Variants in TXNL4A observed in about 807,000 individuals in gnomAD.
TXNL4A encodes thioredoxin-like protein 4A.
A neutral mutation model predicts 14.6 loss-of-function variants in TXNL4A; 17 were observed. The ratio of observed to expected loss-of-function variants is 1.16; its 90% CI spans 0.80 to 1.74. The LOEUF (loss-of-function observed/expected upper bound fraction) is 1.74, where lower values mean the gene tolerates loss of function less well. Ranked by LOEUF, TXNL4A falls within the 40% of genes most tolerant of loss-of-function variation. The pLI, the probability that TXNL4A is intolerant of heterozygous loss-of-function variation, is 0.00. For synonymous variants in TXNL4A, 83 were observed against 70.6 expected, an observed-to-expected ratio of 1.18 and a Z score of -0.88; for missense variants, 74 against 195.2, an observed-to-expected ratio of 0.38 and a Z score of 3.70.
chr18:80,004,086 C>T (rs1410687974), intron 1 of TXNL4A, among the ~76,000 whole-genome samples: 1 of 151,600 alleles, frequency 6.6e-6, no homozygotes, highest in Non-Finnish European at 1.5e-5. Context: ...TTCTTATCCT[C>T]CCATATTTCT....
intron 1 of TXNL4A, among the ~76,000 whole-genome samples, chr18:79,983,219 T>G (rs1256796555): frequency 6.6e-6 from 1 of 152,226 alleles, no homozygotes; most frequent in African/African-American, 2.4e-5. Context: ...CAAGCTGGTC[T>G]CGAACTCTTG....
intron 1 of TXNL4A, among the ~76,000 whole-genome samples, chr18:80,020,002 C>G (rs545803147): frequency 1.3e-5 from 2 of 152,268 alleles, no homozygotes; most frequent in East Asian, 3.9e-4. Flanking sequence ...GTAACTCCCA[C>G]AATTCCCTTG....
intron 1 of TXNL4A, among the ~76,000 whole-genome samples, chr18:79,981,171 C>A (rs1407960687): frequency 6.6e-6 from 1 of 152,278 alleles, no homozygotes; most frequent in East Asian, 1.9e-4. Flanking sequence ...GGGACAGATA[C>A]AATAAATACC....
At position 79,977,715 on chromosome 18, in the gene TXNL4A, A is replaced by T. The variant is rs183180579; in HGVS notation, c.154-14T>A. On this transcript the variant is annotated splice_polypyrimidine_tract_variant and intron_variant, in intron 1 of 2. Transcript: ENST00000269601. ...AAAATTTTTAACCTAAAAGGAGATT[A>T]AAAAAAAAAACTGAAATAACAGAAC... is the stretch of plus-strand genomic sequence containing the variant. 4.1e-4 allele frequency: 441 copies of T among 1,073,120 alleles called. 3 individuals are homozygous for T. In the African/African-American group the frequency reaches 5.5e-3, roughly 13 times the overall value. 66.5% of individuals were successfully genotyped at this position (1,073,120 alleles called of 1,614,324 possible). A position where few individuals can be genotyped will look rare whatever the true frequency, so the allele number is the denominator to read the frequency against.
intron 1 of TXNL4A, among the ~76,000 whole-genome samples, chr18:79,980,150 A>G (rs1260379687): frequency 6.6e-6 from 1 of 152,190 alleles, no homozygotes; most frequent in Non-Finnish European, 1.5e-5. Flanking sequence ...AGGCGTCTAC[A>G]AGCCTAGGAG....
Position 79,972,832 on chromosome 18 carries a change from T to C in TXNL4A, c.*853A>G, listed in dbSNP as rs757803729. On this transcript the variant is annotated 3_prime_UTR_variant, in exon 3 of 3. Coordinates refer to ENST00000269601, the MANE Select transcript of TXNL4A (RefSeq NM_006701.5). The stretch of plus-strand genomic sequence containing the variant: ...CTACAGAAAATATGTTTACATCAAA[T>C]ACAATCTTGGGAAGAATAAAAAATA... The C allele has an allele frequency of 1.3e-5, 2 of 152,184 alleles. No individual in the cohort carries two copies. Among genetic ancestry groups the C allele is most frequent in the African/African-American group, 2.4e-5 (1 of 41,442 alleles). 9.4% of individuals were successfully genotyped at this position (152,184 alleles called of 1,614,324 possible). A position where few individuals can be genotyped will look rare whatever the true frequency, so the allele number is the denominator to read the frequency against.
At chr18:79,981,537 C>G (rs1050136597) in intron 1 of TXNL4A, among the ~76,000 whole-genome samples, 1 of 151,772 alleles carries the variant, frequency 6.6e-6, no homozygotes, top group African/African-American at 2.4e-5. Flanking sequence ...CTGGGTGTGG[C>G]GGTGCACGCC....
At chr18:79,989,355 C>A (rs1025023892), upstream of TXNL4A, among the ~76,000 whole-genome samples, 5 of 151,870 alleles carry the variant, frequency 3.3e-5, no homozygotes, top group Admixed American at 3.3e-4. Flanking sequence ...AGTGATCTGC[C>A]CGCCTCGGCC....
intron 1 of TXNL4A, among the ~76,000 whole-genome samples, chr18:79,981,367 G>C (rs1377496166): frequency 6.6e-6 from 1 of 152,168 alleles, no homozygotes. Flanking sequence ...ATAATTTGTA[G>C]GCATTTAATA....
At chr18:79,998,745 G>A (rs2051679036) in intron 1 of TXNL4A, among the ~76,000 whole-genome samples, 1 of 149,320 alleles carries the variant, frequency 6.7e-6, no homozygotes, top group Non-Finnish European at 1.5e-5. Flanking sequence ...ACGTGTGTCT[G>A]TCAACCGGTC....
upstream of TXNL4A, among the ~76,000 whole-genome samples, chr18:79,989,001 A>C (rs1011829595): frequency 3.3e-5 from 5 of 152,226 alleles, no homozygotes; most frequent in Non-Finnish European, 7.3e-5. Context: ...CGTTGTTGCC[A>C]TACCCAACCA....
intron 1 of TXNL4A, chr18:79,986,678 C>G (rs546285361): frequency 1.0e-6 from 1 of 985,488 alleles, no homozygotes; most frequent in African/African-American, 1.7e-5. Context: ...CAAAGGCCCT[C>G]ACATCTCCAG....
At chr18:79,977,237 G>A (rs1022284787) in intron 2 of TXNL4A, 3 of 299,714 alleles carry the variant, frequency 1.0e-5, no homozygotes, top group Admixed American at 5.1e-5. Flanking sequence ...GATTACAGGC[G>A]CTTTGAGCCA....
Position 79,973,485 on chromosome 18 carries a change from T to G in TXNL4A, c.*200A>C. 1 of 535,556 alleles carries G rather than the reference T, an allele frequency of 1.9e-6. No homozygotes were observed. 33.2% of individuals were successfully genotyped at this position (535,556 alleles called of 1,614,324 possible). On this transcript the variant is annotated 3_prime_UTR_variant, in exon 3 of 3. Transcript: ENST00000269601. ...GAAAATCAGTAATCTATTCATTAAG[T>G]TTCCTGAGAACAAACAAGTAGGCCT...
Position 79,982,070 on chromosome 18 carries a change from G to A in TXNL4A, c.154-4369C>T, listed in dbSNP as rs531289577. Among the ~76,000 whole-genome samples, 2 of 152,330 alleles carry A rather than the reference G, an allele frequency of 1.3e-5. No homozygotes were observed. Among genetic ancestry groups the A allele is most frequent in the South Asian group, 4.1e-4 (2 of 4,832 alleles). Reference sequence around the variant, plus strand: ...TGGCTCCAAAGCCTGAACTCTGGATGACAGAATCAGCCTAACCCACAGGAG... The same window carrying A: ...TGGCTCCAAAGCCTGAACTCTGGATAACAGAATCAGCCTAACCCACAGGAG... On this transcript the variant is annotated intron_variant, in intron 1 of 2. Coordinates refer to ENST00000269601, the MANE Select transcript of TXNL4A (RefSeq NM_006701.5). This position sits in a 1 kb window ranked among gnomAD's most constrained non-coding sequence, Gnocchi z 4.0.
chr18:80,009,418 G>A (rs1264689789), intron 1 of TXNL4A, among the ~76,000 whole-genome samples: 1 of 152,178 alleles, frequency 6.6e-6, no homozygotes, highest in Non-Finnish European at 1.5e-5. Flanking sequence ...CACCTGCTTA[G>A]CTGTGCACTC....
At chr18:80,016,404 T>C (rs2051810719) in intron 1 of TXNL4A, among the ~76,000 whole-genome samples, 1 of 151,524 alleles carries the variant, frequency 6.6e-6, no homozygotes, top group South Asian at 2.1e-4. Context: ...TTGTTGCCAT[T>C]GCTTTTGGTG....
chr18:79,980,143 C>T (rs1274367543), intron 1 of TXNL4A, among the ~76,000 whole-genome samples: 1 of 152,142 alleles, frequency 6.6e-6, no homozygotes. Flanking sequence ...ACTGCAGAGG[C>T]GTCTACAAGC....
At chr18:80,024,644 T>G (rs1162746020) in intron 1 of TXNL4A, among the ~76,000 whole-genome samples, 1 of 152,172 alleles carries the variant, frequency 6.6e-6, no homozygotes, top group Non-Finnish European at 1.5e-5. Flanking sequence ...CCTGAGGGTG[T>G]CTGGGAGAAA....
Sources: allele counts gnomAD v4.1 joint callset (sites outside exome capture counted in the v4.1 genomes callset), GRCh38; gene constraint gnomAD v4.1.1; non-coding constraint Gnocchi (gnomAD v3.1); transcripts MANE v1.5; gene names NCBI Gene and HGNC (gene_info 2026-07-23, HGNC 2026-07-21).